LITAFD: variants seen among roughly 807,000 people sequenced by gnomAD.
LITAFD encodes LITAF domain containing.
chr16:8,883,710 T>G (rs1288336507), intron 2 of LITAFD, among the ~76,000 whole-genome samples: 1 of 152,168 alleles, frequency 6.6e-6, no homozygotes, highest in East Asian at 1.9e-4. Context: ...GTCTCCAGAT[T>G]CAGAACTGCT....
chr16:8,882,397 A>C lies in LITAFD; in HGVS notation c.-224A>C, dbSNP rs950820517. The stretch of plus-strand genomic sequence containing the variant: ...CACCTCCTGGCAACCGGGCCTCCTC[A>C]TGAGAATTCCTAGAAATAAGCACAT... On this transcript the variant is annotated 5_prime_UTR_variant, in exon 1 of 4. It removes an upstream start codon present in the reference 5' UTR. Coordinates refer to ENST00000636296, the Ensembl canonical transcript of LITAFD. 6.5e-6 allele frequency: 1 copy of C among 152,710 alleles called. No homozygotes were observed. Among genetic ancestry groups the C allele is most frequent in the South Asian group, 2.1e-4 (1 of 4,832 alleles). 9.5% of individuals were successfully genotyped at this position (152,710 alleles called of 1,614,324 possible).
At chr16:8,883,069 C>G (rs1296858733) in intron 1 of LITAFD, 141 bp from the exon 2 acceptor site, 1 of 152,232 alleles carries the variant, frequency 6.6e-6, no homozygotes, top group African/African-American at 2.4e-5. Flanking sequence ...CTCCTGATCT[C>G]GGGTGCTCTG....
At chr16:8,884,045 A>G (rs535457600) in intron 2 of LITAFD, among the ~76,000 whole-genome samples, 5 of 152,338 alleles carry the variant, frequency 3.3e-5, no homozygotes, top group African/African-American at 1.2e-4. Flanking sequence ...AGCCTGGACG[A>G]CAGAGTGAGA....
intron 1 of LITAFD, among the ~76,000 whole-genome samples, chr16:8,882,947 T>C (rs917992958): frequency 6.6e-6 from 1 of 152,204 alleles, no homozygotes; most frequent in East Asian, 1.9e-4. Context: ...GTGATTCTCC[T>C]GCCTCGGCAT....
intron 2 of LITAFD, among the ~76,000 whole-genome samples, 179 bp downstream of exon 2, chr16:8,883,465 C>G (rs756070065): frequency 3.3e-5 from 5 of 152,164 alleles, no homozygotes; most frequent in Admixed American, 6.5e-5. Flanking sequence ...GCTGCCCCTG[C>G]TCCCATGCTG....
intron 3 of LITAFD, 36 bp from the exon 4 acceptor site, chr16:8,885,151 C>T (rs1237658582): frequency 7.5e-6 from 3 of 399,206 alleles, no homozygotes; most frequent in South Asian, 1.3e-4. Context: ...TGAGAGGTGG[C>T]CCCGCTCACG....
At position 8,884,470 on chromosome 16, in the gene LITAFD, G is replaced by A. The variant is rs1034181927; in HGVS notation, c.110+5G>A. The A allele has an allele frequency of 2.5e-6, 1 of 399,290 alleles. No homozygotes were observed. The highest frequency in any genetic ancestry group is 4.4e-6 in the Non-Finnish European group (1 of 226,294). The allele number at this position is 399,290 out of a possible 1,614,324, so 24.7% of individuals were successfully genotyped here. A position where few individuals can be genotyped will look rare whatever the true frequency, so the allele number is the denominator to read the frequency against. ...TACCACCCTCTTCCTGTTCGGGTGAGTGGCCGCCCCTCCGCCGCTGCAGAG... is the reference window on the plus strand; with the variant it reads ...TACCACCCTCTTCCTGTTCGGGTGAATGGCCGCCCCTCCGCCGCTGCAGAG... On this transcript the variant is annotated splice_donor_5th_base_variant and intron_variant, in intron 3 of 3. Transcript: ENST00000636296.
rs1324804089 is a variant in LITAFD, at chr16:8,884,306, G to T, written c.-33-17G>T. 5.0e-6 allele frequency: 2 copies of T among 398,888 alleles called. No homozygotes were observed. Among genetic ancestry groups the T allele is most frequent in the Non-Finnish European group, 8.8e-6 (2 of 226,076 alleles). 24.7% of individuals were successfully genotyped at this position (398,888 alleles called of 1,614,324 possible). A position where few individuals can be genotyped will look rare whatever the true frequency, so the allele number is the denominator to read the frequency against. ...CCCCGGGGGGTCCCACCTGCTTCCC[G>T]CTTCCCACTCCCACAGCTGTATGCC... On this transcript the variant is annotated splice_polypyrimidine_tract_variant and intron_variant, in intron 2 of 3. Transcript: ENST00000636296.
intron 2 of LITAFD, among the ~76,000 whole-genome samples, chr16:8,883,987 C>T (rs985779336): frequency 6.6e-6 from 1 of 152,140 alleles, no homozygotes; most frequent in African/African-American, 2.4e-5. Context: ...ATCGCTTGAA[C>T]CCGGGAGGCG....
chr16:8,883,184 G>A (rs2061549509), intron 1 of LITAFD, 26 bp from the exon 2 acceptor site: 2 of 152,214 alleles, frequency 1.3e-5, no homozygotes, highest in Admixed American at 1.3e-4. Context: ...CTGATCTGAG[G>A]GTGCTTTTCT....
intron 2 of LITAFD, among the ~76,000 whole-genome samples, chr16:8,883,661 T>A (rs2061552109): frequency 6.6e-6 from 1 of 152,142 alleles, no homozygotes; most frequent in Non-Finnish European, 1.5e-5. Flanking sequence ...GGCCTGGGTT[T>A]TGGGAATTTA....
intron 3 of LITAFD, 105 bp from the exon 4 acceptor site, chr16:8,885,082 C>T (rs1048443993): frequency 5.0e-6 from 2 of 399,220 alleles, no homozygotes; most frequent in Non-Finnish European, 8.8e-6. Flanking sequence ...CAAACATACA[C>T]ACACACGCCC....
exon 3 of LITAFD, chr16:8,884,463 C>T (rs760753125): frequency 1.5e-4 from 22 of 145,130 alleles, no homozygotes; most frequent in Non-Finnish European, 2.6e-4. Flanking sequence ...TCTTCCTGTT[C>T]GGGTGAGTGG....
At chr16:8,882,815 G>A (rs886972250) in intron 1 of LITAFD, 2 of 152,334 alleles carry the variant, frequency 1.3e-5, no homozygotes, top group Non-Finnish European at 2.9e-5. Flanking sequence ...CCCGTGGCCA[G>A]AGACAACCGA....
rs1348758213 is a variant in LITAFD, at chr16:8,884,740, A to G, written c.110+275A>G. 2.6e-5 allele frequency among the ~76,000 whole-genome samples: 4 copies of G among 152,164 alleles called. 1 individual carries two copies. The highest frequency in any genetic ancestry group is 2.6e-4 in the Admixed American group (4 of 15,292). On this transcript the variant is annotated intron_variant, in intron 3 of 3. Coordinates refer to ENST00000636296, the Ensembl canonical transcript of LITAFD. ...GCAGCTGCTGCTGTCACCAGCAGCC[A>G]AGAGCTTGCGGGTTCAGGATGGCTC... is the stretch of plus-strand genomic sequence containing the variant.
intron 3 of LITAFD, among the ~76,000 whole-genome samples, chr16:8,884,843 G>C (rs1210825426): frequency 6.6e-6 from 1 of 152,172 alleles, no homozygotes; most frequent in Non-Finnish European, 1.5e-5. Context: ...CCAGCACTTT[G>C]GGAGGCCGAG....
In LITAFD at chr16:8,883,289, A is replaced by T. The variant is rs1395286318; in HGVS notation, c.-34+3A>T. The stretch of plus-strand genomic sequence containing the variant: ...TTGAAGGCCCCCAAGTTGTTCAGGT[A>T]GGTGAGTGCCCCTGCCGGCCTTCCC... On this transcript the variant is annotated splice_donor_region_variant and intron_variant, in intron 2 of 3. Coordinates refer to ENST00000636296, the Ensembl canonical transcript of LITAFD. The T allele has an allele frequency of 6.6e-6, 1 of 152,540 alleles. No homozygotes were observed. Among genetic ancestry groups the T allele is most frequent in the Non-Finnish European group, 1.5e-5 (1 of 68,370 alleles). 9.4% of individuals were successfully genotyped at this position (152,540 alleles called of 1,614,324 possible).
chr16:8,885,259 G>A (rs1039709697), exon 4 of LITAFD: 3 of 398,976 alleles, frequency 7.5e-6, no homozygotes, highest in African/African-American at 4.1e-5. Context: ...CGTGTCCCGT[G>A]TGTCAGCGCG....
rs985628989 is a variant in LITAFD at position 8,884,402 on chromosome 16, C to T, written c.47C>T (p.Thr16Met). 1.3e-5 allele frequency: 5 copies of T among 397,844 alleles called. No homozygotes were observed. The East Asian group carries it at 1.4e-4, about 11-fold the overall frequency. 24.6% of individuals were successfully genotyped at this position (397,844 alleles called of 1,614,324 possible). A position where few individuals can be genotyped will look rare whatever the true frequency, so the allele number is the denominator to read the frequency against. The change falls in exon 3 of 4, where the codon ACG (threonine) becomes ATG (methionine). Residue 16 changes from threonine to methionine, a missense_variant. Thr to Met is a moderately conservative substitution (Grantham distance 81). Transcript: ENST00000636296. ...CCCTACTGTGGAAACCGCATCATCA[C>T]GGTGACGACCTTTGTCCCGGGTGCC...
Sources: allele counts gnomAD v4.1 joint callset (sites outside exome capture counted in the v4.1 genomes callset), GRCh38; gene constraint gnomAD v4.1.1; transcripts MANE v1.5; gene names NCBI Gene and HGNC (gene_info 2026-07-23, HGNC 2026-07-21).